The following ARSG variants were observed in gnomAD, a reference collection of about 807,000 sequenced individuals.
ARSG encodes the protein ASG.
A neutral mutation model predicts 50.5 loss-of-function variants in ARSG; 37 were observed. The observed-to-expected ratio is 0.73, with a 90% confidence interval of 0.56 to 0.96. The LOEUF is 0.96. ARSG is among the 50% of genes least tolerant of loss of function. ARSG has a pLI of 0.00. For missense variants in ARSG, 629 were observed against 675.3 expected, an observed-to-expected ratio of 0.93 and a Z score of 0.76; for synonymous variants, 225 against 254.6, an observed-to-expected ratio of 0.88 and a Z score of 1.11.
At chr17:68,436,501 A>C in the ARSG span, 2 of 1,607,402 alleles carry the variant, frequency 1.2e-6, no homozygotes, top group Non-Finnish European at 1.7e-6. Context: ...GAAACAGAAC[A>C]TGAGAAGCCT....
At chr17:68,426,234 CTGGCGGGTGGGGAGCGGGGG>C, downstream of ARSG, 1 of 705,818 alleles carries the variant, frequency 1.4e-6, no homozygotes. Context: ...ATGCCATGAC[CTGGCGGGTGGGGAGCGGGGG>C]CTCAAATAAA....
chr17:68,306,610 C>T (rs2076619111), intron 1 of ARSG, among the ~76,000 whole-genome samples: 1 of 152,162 alleles, frequency 6.6e-6, no homozygotes. Context: ...TCTCACCTCT[C>T]CTTCTGGAAT....
At chr17:68,345,261 C>CA (rs1334154674) in intron 3 of ARSG, among the ~76,000 whole-genome samples, 1 of 152,166 alleles carries the variant, frequency 6.6e-6, no homozygotes, top group Non-Finnish European at 1.5e-5. Flanking sequence ...CCCTCGAGCC[C>CA]AGGAGATCGA....
rs370267445 is a variant in ARSG at position 68,410,443 on chromosome 17, T to G, written c.1303+8993T>G. Among the ~76,000 whole-genome samples, 851 of 150,148 alleles carry G rather than the reference T, an allele frequency of 5.7e-3. 35 individuals carry two copies. In the South Asian group the frequency reaches 0.094, roughly 17 times the overall value. On this transcript the variant is annotated intron_variant, in intron 11 of 11. Transcript: ENST00000621439. Reference sequence around the variant, plus strand: ...ATTACATTTATTGATTTGCGTATATTGAACCAGCCTTGCATCCCAGGGATG... The same window carrying G: ...ATTACATTTATTGATTTGCGTATATGGAACCAGCCTTGCATCCCAGGGATG...
At chr17:68,394,506 A>G (rs910570055) in intron 9 of ARSG, among the ~76,000 whole-genome samples, 1 of 152,174 alleles carries the variant, frequency 6.6e-6, no homozygotes, top group Non-Finnish European at 1.5e-5. Flanking sequence ...GTGTGGTGGT[A>G]CATGCTTGTA....
the ARSG span, chr17:68,450,881 G>C: frequency 6.2e-7 from 1 of 1,612,546 alleles, no homozygotes; most frequent in South Asian, 1.1e-5. Context: ...CCACGATGTA[G>C]ACGTCCGGGA....
chr17:68,330,945 T>G (rs1049935084), intron 2 of ARSG, among the ~76,000 whole-genome samples: 3 of 143,522 alleles, frequency 2.1e-5, no homozygotes, highest in Non-Finnish European at 4.5e-5. Context: ...TACCTTTTTC[T>G]TTTCTTTACT....
chr17:68,344,669 C>T (rs2078426567), intron 3 of ARSG, among the ~76,000 whole-genome samples: 1 of 152,268 alleles, frequency 6.6e-6, no homozygotes, highest in Non-Finnish European at 1.5e-5. Flanking sequence ...CTGCCCTTCT[C>T]CCCTCCAGGA....
intron 3 of ARSG, among the ~76,000 whole-genome samples, chr17:68,346,050 A>G (rs542727267): frequency 6.6e-6 from 1 of 151,916 alleles, no homozygotes; most frequent in African/African-American, 2.4e-5. Context: ...TAATTTTTGT[A>G]TTTTTAGTAG....
intron 8 of ARSG, among the ~76,000 whole-genome samples, chr17:68,383,521 C>T (rs1016619494): frequency 3.9e-5 from 6 of 152,242 alleles, no homozygotes; most frequent in Admixed American, 2.6e-4. Flanking sequence ...ACAGGCTCCC[C>T]GTTTTCACCC....
chr17:68,382,027 T>G (rs555132087), intron 8 of ARSG, among the ~76,000 whole-genome samples: 2 of 151,404 alleles, frequency 1.3e-5, no homozygotes, highest in East Asian at 3.9e-4. Context: ...TTTGGCTCAC[T>G]GCAACCTCCG....
At chr17:68,388,922 CA>C (rs35105754) in intron 9 of ARSG, among the ~76,000 whole-genome samples, 64,136 of 107,700 alleles carry the variant, frequency 0.6, 17,186 homozygotes, top group Admixed American at 0.69. Flanking sequence ...GACTCTGTCT[CA>C]AAAAAAAAAA....
At chr17:68,323,092 G>A (rs191719481) in intron 2 of ARSG, among the ~76,000 whole-genome samples, 1 of 152,110 alleles carries the variant, frequency 6.6e-6, no homozygotes, top group African/African-American at 2.4e-5. Flanking sequence ...GACATGGAGG[G>A]TCTGGGAGGA....
Position 68,356,793 on chromosome 17 carries a change from C to G in ARSG, c.693C>G (p.Ile231Met). 5.0e-6 allele frequency: 8 copies of G among 1,614,228 alleles called. No homozygotes were observed. The highest frequency in any genetic ancestry group is 6.8e-6 in the Non-Finnish European group (8 of 1,180,040). ...QKYAEKATQF[I>M]QRASTSGRPF... is the part of the protein sequence containing the mutation. ...ATGCTGAGAAAGCAACCCAGTTCAT[C>G]CAGCGTGCAAGGTGAGGAGTCTCCC... The change falls in exon 6 of 12, where the codon ATC becomes ATG. Residue 231 changes from isoleucine (I) to methionine (M), a missense_variant. By Grantham distance (10) the Ile-to-Met change is conservative. Transcript: ENST00000621439.
intron 9 of ARSG, among the ~76,000 whole-genome samples, chr17:68,388,648 C>T (rs116001623): frequency 0.024 from 3,609 of 152,208 alleles, 140 homozygotes; most frequent in African/African-American, 0.082. Flanking sequence ...CAGCTAAGGC[C>T]GGACGCAGTG....
chr17:68,444,306 C>T, the ARSG span, among the ~76,000 whole-genome samples: 1 of 152,168 alleles, frequency 6.6e-6, no homozygotes. Context: ...ACACAGCCCC[C>T]CTGCAGGACA....
intron 1 of ARSG, among the ~76,000 whole-genome samples, chr17:68,294,020 C>T (rs1210922453): frequency 1.3e-5 from 2 of 152,160 alleles, no homozygotes; most frequent in Non-Finnish European, 2.9e-5. Context: ...TGCCCCCAAA[C>T]AAAACTAACT....
intron 1 of ARSG, among the ~76,000 whole-genome samples, chr17:68,292,635 G>T (rs1168663557): frequency 6.6e-6 from 1 of 152,162 alleles, no homozygotes; most frequent in East Asian, 1.9e-4. Context: ...CCTAGTTTGG[G>T]AGTGCATGCA....
chr17:68,291,364 C>G (rs1306985326), upstream of ARSG: 37 of 149,274 alleles, frequency 2.5e-4, no homozygotes, highest in African/African-American at 9.1e-4. Context: ...GCCCCGGCCC[C>G]GCGTCGCTGC....
Sources: allele counts gnomAD v4.1 joint callset (sites outside exome capture counted in the v4.1 genomes callset), GRCh38; gene constraint gnomAD v4.1.1; transcripts MANE v1.5; gene names NCBI Gene and HGNC (gene_info 2026-07-23, HGNC 2026-07-21).